The following ZNF516 variants were observed in gnomAD, a reference collection of about 807,000 sequenced individuals.
The protein encoded by ZNF516 is zinc finger protein 516.
Under a neutral mutation model 79.7 loss-of-function variants are expected in ZNF516, and 19 were observed. The ratio of observed to expected loss-of-function variants is 0.24; its 90% CI spans 0.17 to 0.35. ZNF516 has a LOEUF of 0.35. Ranked by LOEUF, ZNF516 falls within the 10% of genes least tolerant of loss-of-function variation. The probability of loss-of-function intolerance (pLI) is 1.00; values close to 1 mark genes in which losing one functional copy is unlikely to be tolerated. For missense variants in ZNF516, 1,678 were observed against 1,679.5 expected, an observed-to-expected ratio of 1.00 and a Z score of 0.02; for synonymous variants, 877 against 739.5, an observed-to-expected ratio of 1.19 and a Z score of -3.02.
At chr18:76,454,903 T>C (rs1303964893) in intron 2 of ZNF516, among the ~76,000 whole-genome samples, 3 of 152,130 alleles carry the variant, frequency 2.0e-5, no homozygotes, top group East Asian at 1.9e-4. Flanking sequence ...GAAATGAGGG[T>C]GGGCACATTT....
At chr18:76,419,032 C>T (rs2075473039) in intron 3 of ZNF516, among the ~76,000 whole-genome samples, 1 of 152,222 alleles carries the variant, frequency 6.6e-6, no homozygotes, top group African/African-American at 2.4e-5. Context: ...GGTCCACTTC[C>T]ATTTCACACC....
upstream of ZNF516, chr18:76,495,666 T>C: frequency 3.4e-6 from 4 of 1,165,902 alleles, no homozygotes; most frequent in Non-Finnish European, 4.3e-6. Flanking sequence ...CGGAGGCCGT[T>C]TCCGCGCGCA....
In ZNF516 at chr18:76,442,662, G is replaced by T. The variant is rs763678757; in HGVS notation, c.393C>A (p.Ala131=). The T allele has an allele frequency of 3.2e-6, 5 of 1,585,344 alleles. No homozygotes were observed. The change falls in exon 3 of 7, where the codon GCC becomes GCA. Residue 131 remains alanine (A), a synonymous_variant. Coordinates refer to ENST00000443185, the MANE Select transcript of ZNF516 (RefSeq NM_014643.4). The part of the protein sequence containing the change: ...ASACNRLLNG[A]SQADGARVLN... Reference sequence around the variant, plus strand: ...GGACCCTGGCGCCGTCGGCCTGCGAGGCCCCGTTCAGCAGCCGGTTGCAGG... The same window carrying T: ...GGACCCTGGCGCCGTCGGCCTGCGATGCCCCGTTCAGCAGCCGGTTGCAGG...
chr18:76,420,133 T>C (rs1568276352), intron 3 of ZNF516, among the ~76,000 whole-genome samples: 1 of 152,264 alleles, frequency 6.6e-6, no homozygotes, highest in Non-Finnish European at 1.5e-5. Context: ...TCACTGTTGG[T>C]AGTCAATTAT....
At chr18:76,424,601 C>T (rs2075564604) in intron 3 of ZNF516, among the ~76,000 whole-genome samples, 3 of 131,478 alleles carry the variant, frequency 2.3e-5, no homozygotes, top group South Asian at 2.7e-4. Flanking sequence ...TGAAAAGGCT[C>T]CCCCGAAACA....
At chr18:76,398,431 G>A (rs115765428) in intron 3 of ZNF516, among the ~76,000 whole-genome samples, 2,999 of 152,224 alleles carry the variant, frequency 0.02, 58 homozygotes, top group African/African-American at 0.041. Context: ...CTTGTATGAC[G>A]CAGCTGTCTG....
intron 3 of ZNF516, among the ~76,000 whole-genome samples, chr18:76,381,534 G>C (rs1461592781): frequency 6.6e-6 from 1 of 152,174 alleles, no homozygotes; most frequent in Non-Finnish European, 1.5e-5. Context: ...AATGTTCTAA[G>C]TGTATATTTG....
At chr18:76,448,062 CTG>C (rs1568303028) in intron 2 of ZNF516, among the ~76,000 whole-genome samples, 1 of 152,100 alleles carries the variant, frequency 6.6e-6, no homozygotes, top group African/African-American at 2.4e-5. Flanking sequence ...TTTGAAAAAA[CTG>C]TTTACTCATA....
At chr18:76,477,318 A>C (rs58301131) in intron 1 of ZNF516, among the ~76,000 whole-genome samples, 1,719 of 152,314 alleles carry the variant, frequency 0.011, 43 homozygotes, top group African/African-American at 0.039. Flanking sequence ...TATAGCAAGC[A>C]CGAAAACTGA....
chr18:76,436,540 G>C (rs1340030330), intron 3 of ZNF516, among the ~76,000 whole-genome samples: 1 of 152,140 alleles, frequency 6.6e-6, no homozygotes, highest in Non-Finnish European at 1.5e-5. Flanking sequence ...ACACCGCTGA[G>C]TCCCCGAGAG....
At chr18:76,392,010 C>T (rs372922033) in intron 3 of ZNF516, among the ~76,000 whole-genome samples, 38 of 152,338 alleles carry the variant, frequency 2.5e-4, no homozygotes, top group African/African-American at 7.9e-4. Context: ...TCTGCCGCGG[C>T]TCACAACGCC....
chr18:76,487,436 T>C (rs904792695), intron 1 of ZNF516, among the ~76,000 whole-genome samples: 57 of 152,366 alleles, frequency 3.7e-4, no homozygotes, highest in African/African-American at 1.3e-3. Context: ...TCCTTCCTTA[T>C]AGCTATTTAA....
intron 3 of ZNF516, among the ~76,000 whole-genome samples, chr18:76,383,950 G>C (rs1475293360): frequency 6.6e-6 from 1 of 152,184 alleles, no homozygotes; most frequent in East Asian, 1.9e-4. Flanking sequence ...GCAAAGTGCT[G>C]CCACATGACA....
intron 3 of ZNF516, among the ~76,000 whole-genome samples, chr18:76,420,281 G>C (rs2075489690): frequency 6.6e-6 from 1 of 152,178 alleles, no homozygotes; most frequent in African/African-American, 2.4e-5. Context: ...CCAAATCTAT[G>C]ATGTCTACTT....
At chr18:76,376,979 A>G (rs2074797751) in intron 4 of ZNF516, among the ~76,000 whole-genome samples, 1 of 152,196 alleles carries the variant, frequency 6.6e-6, no homozygotes, top group African/African-American at 2.4e-5. Context: ...GAAACCCCAC[A>G]TCTCCAGAAG....
At chr18:76,389,688 GT>G (rs1355164223) in intron 3 of ZNF516, among the ~76,000 whole-genome samples, 4 of 152,160 alleles carry the variant, frequency 2.6e-5, no homozygotes, top group Non-Finnish European at 5.9e-5. Context: ...TTTTTGCAGA[GT>G]TATTTTTAAG....
chr18:76,466,800 C>T (rs1198163563), intron 1 of ZNF516, among the ~76,000 whole-genome samples: 3 of 152,210 alleles, frequency 2.0e-5, no homozygotes, highest in South Asian at 2.1e-4. Context: ...TGCTGGGACA[C>T]GCACAGCTGA....
intron 3 of ZNF516, among the ~76,000 whole-genome samples, chr18:76,411,660 C>T (rs1484268607): frequency 6.6e-6 from 1 of 152,174 alleles, no homozygotes; most frequent in African/African-American, 2.4e-5. Context: ...CCCAAAGCAT[C>T]AAACTCAACA....
At position 76,441,492 on chromosome 18, in the gene ZNF516, G is replaced by C; in HGVS notation, c.1563C>G (p.Gly521=). 1.3e-6 allele frequency: 2 copies of C among 1,599,050 alleles called. No individual in the cohort carries two copies. The highest frequency in any genetic ancestry group is 1.3e-5 in the African/African-American group (1 of 74,508). ...QGKSSECFEC[G]KIFRTYHQMV... ...TCTGATGATAGGTGCGGAAGATCTT[G>C]CCGCACTCGAAGCACTCGGAGGACT... The change falls in exon 3 of 7, where the codon GGC becomes GGG. Residue 521 remains glycine (G), a synonymous_variant. Transcript: ENST00000443185.
Sources: allele counts gnomAD v4.1 joint callset (sites outside exome capture counted in the v4.1 genomes callset), GRCh38; gene constraint gnomAD v4.1.1; transcripts MANE v1.5; gene names NCBI Gene and HGNC (gene_info 2026-07-23, HGNC 2026-07-21).